The following ZDHHC20 variants were observed in gnomAD, a reference collection of about 807,000 sequenced individuals.
The protein encoded by ZDHHC20 is palmitoyltransferase ZDHHC20.
A neutral mutation model predicts 57.8 loss-of-function variants in ZDHHC20; 43 were observed. The ratio of observed to expected loss-of-function variants is 0.74; its 90% CI spans 0.58 to 0.96. The LOEUF is 0.96. Among genes scored for constraint, ZDHHC20 ranks in the 40% least tolerant of loss-of-function variants. The pLI is 0.00. For synonymous variants in ZDHHC20, 157 were observed against 153.0 expected (o/e 1.03, Z -0.19); for missense variants, 391 against 441.1 (o/e 0.89, Z 1.02).
At chr13:21,404,134 C>A (rs1007996612) in intron 4 of ZDHHC20, among the ~76,000 whole-genome samples, 1 of 152,184 alleles carries the variant, frequency 6.6e-6, no homozygotes, top group African/African-American at 2.4e-5. Context: ...AAATAGTTAA[C>A]CATCTACTGG....
chr13:21,421,105 A>G lies in ZDHHC20; in HGVS notation c.205T>C (p.Tyr69His). The change falls in exon 3 of 13, where the codon TAT (tyrosine) becomes CAT (histidine). Residue 69 changes from tyrosine (Y) to histidine (H), a missense_variant. Around this residue, in one of 3 missense-constraint regions of ZDHHC20, gnomAD observed 185 missense variants for 188.0 expected, o/e 0.98. Transcript: ENST00000400590. ...GGAGATGTGAAAATTGTCATCCAAT[A>G]GGACCATACAAACATAACAAAGAAC... ...HLFFVMFVWS[Y>H]WMTIFTSPAS... 1 of 1,613,370 alleles carries G rather than the reference A, an allele frequency of 6.2e-7. No individual in the cohort carries two copies. The highest frequency in any genetic ancestry group is 8.5e-7 in the Non-Finnish European group (1 of 1,179,714).
chr13:21,450,588 A>C (rs1415672928), intron 1 of ZDHHC20, among the ~76,000 whole-genome samples: 1 of 152,186 alleles, frequency 6.6e-6, no homozygotes, highest in African/African-American at 2.4e-5. Flanking sequence ...GAGAAAAAAA[A>C]CTTTTTCTTC....
chr13:21,417,912 A>G (rs965457385), intron 3 of ZDHHC20, among the ~76,000 whole-genome samples: 18 of 152,294 alleles, frequency 1.2e-4, no homozygotes, highest in Non-Finnish European at 2.1e-4. Context: ...TTGGTATTAC[A>G]TTAACATCAA....
At chr13:21,442,193 A>G (rs927836763) in intron 1 of ZDHHC20, among the ~76,000 whole-genome samples, 1 of 152,188 alleles carries the variant, frequency 6.6e-6, no homozygotes, top group African/African-American at 2.4e-5. Flanking sequence ...GGTGAATTAT[A>G]ATAATGAATC....
At chr13:21,444,145 G>A (rs972082378) in intron 1 of ZDHHC20, among the ~76,000 whole-genome samples, 1 of 152,192 alleles carries the variant, frequency 6.6e-6, no homozygotes, top group African/African-American at 2.4e-5. Flanking sequence ...AACAGAGCGA[G>A]ACTCTGTCTC....
At chr13:21,407,155 A>AT (rs1402286678) in intron 4 of ZDHHC20, among the ~76,000 whole-genome samples, 7 of 151,300 alleles carry the variant, frequency 4.6e-5, no homozygotes, top group South Asian at 2.1e-4. Context: ...GGTCCAGCTA[A>AT]TTTTTTTTTG....
chr13:21,376,671 C>A lies in ZDHHC20; in HGVS notation c.*41-16G>T. ...TTTCATACACCTACAAAAAAAGAAA[C>A]AAATTATTGGTTAAAACTTGATTTT... is the stretch of plus-strand genomic sequence containing the variant. On this transcript the variant is annotated splice_polypyrimidine_tract_variant and intron_variant, in intron 12 of 12. Coordinates refer to ENST00000400590, the MANE Select transcript of ZDHHC20 (RefSeq NM_001330059.2). 5.0e-6 allele frequency: 7 copies of A among 1,394,746 alleles called. No homozygotes were observed. The South Asian group carries it at 8.3e-5, about 17-fold the overall frequency. 86.4% of individuals were successfully genotyped at this position (1,394,746 alleles called of 1,614,324 possible).
chr13:21,413,503 A>ACC, intron 4 of ZDHHC20, 149 bp downstream of exon 4: 2 of 462,752 alleles, frequency 4.3e-6, no homozygotes, highest in Admixed American at 4.9e-5. Flanking sequence ...TCTGAAATAC[A>ACC]GTAAGGAAAC....
At chr13:21,425,137 T>C (rs1881105545) in intron 2 of ZDHHC20, among the ~76,000 whole-genome samples, 2 of 152,292 alleles carry the variant, frequency 1.3e-5, no homozygotes, top group Non-Finnish European at 2.9e-5. Flanking sequence ...GGGCACTATC[T>C]TTTTTACTTA....
intron 1 of ZDHHC20, among the ~76,000 whole-genome samples, chr13:21,447,277 G>A (rs901810141): frequency 1.4e-5 from 2 of 147,836 alleles, no homozygotes; most frequent in Non-Finnish European, 3.0e-5. Context: ...AGATGTGAGC[G>A]CTCTCCCTCT....
Position 21,429,500 on chromosome 13 carries a change from TAA to T in ZDHHC20, c.119-3824_119-3823del, listed in dbSNP as rs200365670. ...TGTTATTCTGTTTTTCCCCTATAGG[TAA>T]AGTGTCCTCACTGTTTTCAAGATTT... On this transcript the variant is annotated intron_variant, in intron 1 of 12. Coordinates refer to ENST00000400590, the MANE Select transcript of ZDHHC20 (RefSeq NM_001330059.2). Among the ~76,000 whole-genome samples, 827 of 152,322 alleles carry T rather than the reference TAA, an allele frequency of 5.4e-3. 12 individuals carry two copies. The highest frequency in any genetic ancestry group is 0.019 in the African/African-American group (793 of 41,562).
At chr13:21,437,172 G>A (rs1413524299) in intron 1 of ZDHHC20, among the ~76,000 whole-genome samples, 1 of 152,170 alleles carries the variant, frequency 6.6e-6, no homozygotes, top group African/African-American at 2.4e-5. Context: ...AGAGAGATGA[G>A]AAAGCTGCAG....
rs1415641800 is a variant in ZDHHC20, at chr13:21,377,159, T to C, written c.*41-504A>G. On this transcript the variant is annotated intron_variant, in intron 12 of 12. Coordinates refer to ENST00000400590, the MANE Select transcript of ZDHHC20 (RefSeq NM_001330059.2). The stretch of plus-strand genomic sequence containing the variant: ...ATGGACCTGGCTTACAATCACCGTA[T>C]GCGGGACACAGCTCCTCTTCTGACT... 4 of 191,200 alleles carry C rather than the reference T, an allele frequency of 2.1e-5. No individual in the cohort carries two copies. In the South Asian group the frequency reaches 3.5e-4, roughly 17 times the overall value. The allele number at this position is 191,200 out of a possible 1,614,324, so 11.8% of individuals were successfully genotyped here.
intron 4 of ZDHHC20, among the ~76,000 whole-genome samples, chr13:21,407,457 C>T (rs370857413): frequency 1.8e-4 from 27 of 152,288 alleles, no homozygotes; most frequent in African/African-American, 3.8e-4. Flanking sequence ...TCATACCCTT[C>T]GCCCACATTT....
chr13:21,446,195 T>G (rs1883680663), intron 1 of ZDHHC20, among the ~76,000 whole-genome samples: 1 of 152,188 alleles, frequency 6.6e-6, no homozygotes, highest in Non-Finnish European at 1.5e-5. Context: ...ATGACTTGTA[T>G]TTTTTTAGCA....
At chr13:21,382,820 A>T in intron 10 of ZDHHC20, 100 bp downstream of exon 10, 1 of 964,640 alleles carries the variant, frequency 1.0e-6, no homozygotes, top group Non-Finnish European at 1.5e-6. Context: ...ATGCTGGCTT[A>T]CTAAATCACT....
chr13:21,459,008 T>C lies in ZDHHC20; in HGVS notation c.118+46A>G, dbSNP rs1202058276. ...GGGCGCAGAGGCCTATCTCGCGCCC[T>C]AGCCGCGGCCCGCGCCCCGCCGCAG... On this transcript the variant is annotated intron_variant, in intron 1 of 12. Transcript: ENST00000400590. 4 of 1,502,108 alleles carry C rather than the reference T, an allele frequency of 2.7e-6. No homozygotes were observed. The African/African-American group carries it at 4.3e-5, about 16-fold the overall frequency. 93.0% of individuals were successfully genotyped at this position (1,502,108 alleles called of 1,614,324 possible).
In ZDHHC20 at chr13:21,387,535, T is replaced by C; in HGVS notation, c.827A>G (p.Lys276Arg). 1 of 1,537,000 alleles carries C rather than the reference T, an allele frequency of 6.5e-7. No individual in the cohort carries two copies. Among genetic ancestry groups the C allele is most frequent in the Non-Finnish European group, 8.8e-7 (1 of 1,139,598 alleles). ...TGAAAATATTGGAAGTAGCCAATAT[T>C]TCTTTTCATCACCAAAGACTTGTCT... ...NWRQVFGDEK[K>R]YWLLPIFSSL... Residue 276 changes from lysine (K) to arginine (R), a missense_variant, in exon 9 of 13, where the codon AAA becomes AGA. Around this residue, in one of 3 missense-constraint regions of ZDHHC20, gnomAD observed 197 missense variants for 220.8 expected, o/e 0.89. Coordinates refer to ENST00000400590, the MANE Select transcript of ZDHHC20 (RefSeq NM_001330059.2).
At chr13:21,393,733 A>G (rs551752958) in intron 7 of ZDHHC20, among the ~76,000 whole-genome samples, 2 of 142,898 alleles carry the variant, frequency 1.4e-5, no homozygotes, top group East Asian at 4.3e-4. Context: ...AAAAAAAGGT[A>G]CAAGGTCTCA....
Sources: gnomAD v4.1 joint callset for allele counts (sites outside exome capture counted in the v4.1 genomes callset) on GRCh38, gnomAD v4.1.1 for gene constraint, gnomAD v4.1.1 regional missense constraint, MANE v1.5 for transcripts, NCBI Gene and HGNC (gene_info 2026-07-23, HGNC 2026-07-21) for gene names.